The following ZNF410 variants were observed in gnomAD, a reference collection of about 807,000 sequenced individuals.
ZNF410 encodes zinc finger protein 410.
A neutral mutation model predicts 54.8 loss-of-function variants in ZNF410; 18 were observed. The observed-to-expected ratio is 0.33, with a 90% CI of 0.23 to 0.49. The LOEUF is 0.49. ZNF410 is among the 20% of genes least tolerant of loss of function. The probability of loss-of-function intolerance (pLI) is 0.99; values close to 1 mark genes in which losing one functional copy is unlikely to be tolerated. For synonymous variants in ZNF410, 191 were observed against 207.3 expected, an observed-to-expected ratio of 0.92 and a Z score of 0.68; for missense variants, 405 against 569.6, an observed-to-expected ratio of 0.71 and a Z score of 2.94.
rs906481832 is a variant in ZNF410, at chr14:73,918,997, C to CTTTTT, written c.1004-1957_1004-1953dup. On this transcript the variant is annotated intron_variant, in intron 8 of 11. Coordinates refer to ENST00000555044, the MANE Select transcript of ZNF410 (RefSeq NM_021188.3). ...ACAGGAGTAAGCCACCGTGCCCGGC[C>CTTTTT]TTTTTTTTTTTTTTTTTTTTTTTTT... Among the ~76,000 whole-genome samples the CTTTTT allele has an allele frequency of 3.0e-4, 18 of 60,638 alleles. 2 individuals are homozygous for CTTTTT. The highest frequency in any genetic ancestry group is 1.5e-3 in the East Asian group (2 of 1,294). The allele number at this position is 60,638 out of a possible 152,430, so 39.8% of individuals were successfully genotyped here. A position where few individuals can be genotyped will look rare whatever the true frequency, so the allele number is the denominator to read the frequency against.
At chr14:73,901,630 T>C (rs1332505431) in intron 5 of ZNF410, among the ~76,000 whole-genome samples, 1 of 151,674 alleles carries the variant, frequency 6.6e-6, no homozygotes, top group East Asian at 1.9e-4. Context: ...TTTGAATCAC[T>C]GTATTAGCAT....
At chr14:73,898,525 G>T (rs1160114854) in intron 5 of ZNF410, 19 of 520,370 alleles carry the variant, frequency 3.7e-5, no homozygotes, top group Non-Finnish European at 6.1e-5. Flanking sequence ...TACATCCTGG[G>T]GTTTGAATTG....
chr14:73,923,982 G>A (rs2055792074), intron 11 of ZNF410, among the ~76,000 whole-genome samples: 1 of 151,994 alleles, frequency 6.6e-6, no homozygotes, highest in African/African-American at 2.4e-5. Flanking sequence ...ATAACATCCT[G>A]GAAAAAGTCC....
At chr14:73,923,374 C>G (rs775485349) in intron 10 of ZNF410, 21 bp from the exon 11 acceptor site, 1 of 1,607,064 alleles carries the variant, frequency 6.2e-7, no homozygotes, top group East Asian at 2.2e-5. Flanking sequence ...TTCATTGAAA[C>G]ATTTTTCTGT....
chr14:73,902,425 A>G (rs72627124), intron 5 of ZNF410, among the ~76,000 whole-genome samples: 23,325 of 152,026 alleles, frequency 0.15, 2,356 homozygotes, highest in East Asian at 0.49. Context: ...AATATTAAAG[A>G]AAAACTTAAT....
intron 5 of ZNF410, among the ~76,000 whole-genome samples, chr14:73,903,360 G>A (rs2055436493): frequency 6.6e-6 from 1 of 152,180 alleles, no homozygotes; most frequent in South Asian, 2.1e-4. Flanking sequence ...ATTTCTAATA[G>A]CAAACCATTT....
At chr14:73,899,261 T>C (rs1244804918) in intron 5 of ZNF410, among the ~76,000 whole-genome samples, 1 of 152,050 alleles carries the variant, frequency 6.6e-6, no homozygotes, top group East Asian at 1.9e-4. Flanking sequence ...AAATCTTTTT[T>C]TTTTTTGGTC....
chr14:73,896,095 A>G (rs556102453), intron 3 of ZNF410: 176 of 539,566 alleles, frequency 3.3e-4, no homozygotes, highest in Middle Eastern at 2.4e-3. Flanking sequence ...ATTACTGCCA[A>G]GTGACAGAGA....
chr14:73,893,969 T>C, intron 3 of ZNF410, 37 bp downstream of exon 3: 1 of 1,587,298 alleles, frequency 6.3e-7, no homozygotes, highest in East Asian at 2.2e-5. Context: ...GATAAAGAAG[T>C]CTTAAGAGCT....
chr14:73,931,811 C>T lies in ZNF410; in HGVS notation c.*270C>T. The T allele has an allele frequency of 2.1e-6, 1 of 478,714 alleles. No individual in the cohort carries two copies. Among genetic ancestry groups the T allele is most frequent in the Non-Finnish European group, 3.9e-6 (1 of 255,978 alleles). The allele number at this position is 478,714 out of a possible 1,614,324, so 29.7% of individuals were successfully genotyped here. A position where few individuals can be genotyped will look rare whatever the true frequency, so the allele number is the denominator to read the frequency against. On this transcript the variant is annotated 3_prime_UTR_variant, in exon 12 of 12. Coordinates refer to ENST00000555044, the MANE Select transcript of ZNF410 (RefSeq NM_021188.3). Reference sequence around the variant, plus strand: ...TCCCACTGCAAATTTCTGGGATAGACCAAAAGTGAATTTGATTATGTGTTG... The same window carrying T: ...TCCCACTGCAAATTTCTGGGATAGATCAAAAGTGAATTTGATTATGTGTTG...
chr14:73,919,770 G>C (rs1055031545), intron 8 of ZNF410, among the ~76,000 whole-genome samples: 2 of 151,966 alleles, frequency 1.3e-5, no homozygotes, highest in African/African-American at 4.8e-5. Flanking sequence ...TGTCTTTTTG[G>C]TAGAGCAGTT....
intron 8 of ZNF410, among the ~76,000 whole-genome samples, chr14:73,910,818 C>T (rs564081880): frequency 1.2e-4 from 17 of 137,894 alleles, no homozygotes; most frequent in Admixed American, 4.3e-4. Flanking sequence ...GTTGTGATTG[C>T]GCCACTGCAC....
chr14:73,894,298 A>C, intron 3 of ZNF410: 1 of 698,806 alleles, frequency 1.4e-6, no homozygotes, highest in Non-Finnish European at 2.6e-6. Flanking sequence ...CATTGTATCA[A>C]ATGCTACTGA....
chr14:73,915,551 C>G (rs1468753794), intron 8 of ZNF410: 1 of 151,828 alleles, frequency 6.6e-6, no homozygotes, highest in Non-Finnish European at 1.5e-5. Context: ...GTTGGTCAGG[C>G]TGGTTCCGAA....
At chr14:73,907,084 C>T (rs8012067) in intron 7 of ZNF410, among the ~76,000 whole-genome samples, 2,554 of 152,166 alleles carry the variant, frequency 0.017, 70 homozygotes, top group African/African-American at 0.058. Context: ...TTTAAGGTAA[C>T]TTTATGCATT....
rs2055920156 is a variant in ZNF410, at chr14:73,931,783, T to G, written c.*242T>G. The G allele has an allele frequency of 3.8e-6, 2 of 520,660 alleles. No homozygotes were observed. Among genetic ancestry groups the G allele is most frequent in the Non-Finnish European group, 7.0e-6 (2 of 283,894 alleles). 32.3% of individuals were successfully genotyped at this position (520,660 alleles called of 1,614,324 possible). On this transcript the variant is annotated 3_prime_UTR_variant, in exon 12 of 12. Coordinates refer to ENST00000555044, the MANE Select transcript of ZNF410 (RefSeq NM_021188.3). ...TGGGCTGGGAAACTGTACCTACCTC[T>G]CTTCCCACTGCAAATTTCTGGGATA...
chr14:73,930,679 T>G (rs112271110), intron 11 of ZNF410, among the ~76,000 whole-genome samples: 4,822 of 151,430 alleles, frequency 0.032, 110 homozygotes, highest in Non-Finnish European at 0.047. Context: ...CATAGCTCAC[T>G]GCACCCTTGA....
chr14:73,922,230 TTTG>T, intron 10 of ZNF410, 24 bp downstream of exon 10: 1 of 1,607,968 alleles, frequency 6.2e-7, no homozygotes, highest in Non-Finnish European at 8.5e-7. Context: ...CTCTCCTTTA[TTTG>T]GGAAAAATGG....
At chr14:73,904,245 T>C in intron 6 of ZNF410, 135 bp downstream of exon 6, 1 of 859,376 alleles carries the variant, frequency 1.2e-6, no homozygotes, top group Admixed American at 3.1e-5. Context: ...GATATCTTTT[T>C]TTCTTTAATA....
Sources: allele counts gnomAD v4.1 joint callset (sites outside exome capture counted in the v4.1 genomes callset), GRCh38; gene constraint gnomAD v4.1.1; transcripts MANE v1.5; gene names NCBI Gene and HGNC (gene_info 2026-07-23, HGNC 2026-07-21).